MBTPS2: variants seen among roughly 807,000 people sequenced by gnomAD.
MBTPS2 encodes the protein membrane-bound transcription factor site-2 protease.
A neutral mutation model predicts 35.4 loss-of-function variants in MBTPS2; 2 were observed. The observed-to-expected ratio is 0.06, with a 90% confidence interval of 0.02 to 0.18. MBTPS2 has a LOEUF of 0.18. Among genes scored for constraint, MBTPS2 ranks in the 10% least tolerant of loss-of-function variants. The pLI, the probability that MBTPS2 is intolerant of heterozygous loss-of-function variation, is 1.00. For missense variants in MBTPS2, 244 were observed against 386.5 expected (o/e 0.63, Z 3.09); for synonymous variants, 125 against 140.4 (o/e 0.89, Z 0.77).
intron 1 of MBTPS2, chrX:21,842,019 T>G (rs1427590510): frequency 8.9e-6 from 1 of 112,225 alleles, no homozygotes; most frequent in Non-Finnish European, 1.9e-5. Flanking sequence ...CAGATAATAC[T>G]ACAGATCCAA....
Position 21,884,274 on chromosome X carries a change from G to T in MBTPS2, c.*1619G>T, listed in dbSNP as rs41309593. 5.3e-5 allele frequency: 39 copies of T among 742,531 alleles called. No homozygotes were observed. Among genetic ancestry groups the T allele is most frequent in the Non-Finnish European group, 6.2e-5 (39 of 629,702 alleles). The allele number at this position is 742,531 out of a possible 1,213,427, so 61.2% of individuals were successfully genotyped here. A position where few individuals can be genotyped will look rare whatever the true frequency, so the allele number is the denominator to read the frequency against. ...ACAGTATTTGTTCTATTTTTAGGTA[G>T]ACAATCATTTGGGATCAGAGTACAT... is the stretch of plus-strand genomic sequence containing the variant. On this transcript the variant is annotated 3_prime_UTR_variant, in exon 11 of 11. Transcript: ENST00000379484.
chrX:21,864,701 T>C (rs752701411), intron 5 of MBTPS2, among the ~76,000 whole-genome samples: 46 of 109,847 alleles, frequency 4.2e-4, no homozygotes, highest in Admixed American at 1.4e-3. Flanking sequence ...TGCATGCCTG[T>C]GGTCCCAGCT....
intron 7 of MBTPS2, among the ~76,000 whole-genome samples, chrX:21,876,208 T>G (rs954542585): frequency 1.8e-5 from 2 of 111,496 alleles, no homozygotes; most frequent in African/African-American, 3.3e-5. Context: ...ATGCTCACAG[T>G]CTCCTTTAAT....
At position 21,885,098 on chromosome X, in the gene MBTPS2, A is replaced by G. The variant is rs1158825042; in HGVS notation, c.*2443A>G. 2.7e-6 allele frequency: 2 copies of G among 748,224 alleles called. No individual in the cohort carries two copies. Among genetic ancestry groups the G allele is most frequent in the African/African-American group, 2.3e-5 (1 of 43,194 alleles). The allele number at this position is 748,224 out of a possible 1,213,427, so 61.7% of individuals were successfully genotyped here. A position where few individuals can be genotyped will look rare whatever the true frequency, so the allele number is the denominator to read the frequency against. ...TTTTTTTTAATCACCTACAATCTGT[A>G]AAGAATGTATATATTCTTTTCAGCA... On this transcript the variant is annotated 3_prime_UTR_variant, in exon 11 of 11. Transcript: ENST00000379484.
intron 4 of MBTPS2, 76 bp downstream of exon 4, chrX:21,851,688 C>T: frequency 1.5e-6 from 1 of 683,791 alleles, no homozygotes; most frequent in Non-Finnish European, 2.4e-6. Context: ...TTACTAAAAT[C>T]TGCTATATTT....
intron 3 of MBTPS2, among the ~76,000 whole-genome samples, chrX:21,850,271 G>A (rs1423688446): frequency 9.0e-6 from 1 of 111,053 alleles, no homozygotes; most frequent in African/African-American, 3.3e-5. Flanking sequence ...ATGGGAAGAC[G>A]TCTGTGATAC....
chrX:21,845,582 T>C (rs1023183663), intron 3 of MBTPS2, among the ~76,000 whole-genome samples, 198 bp downstream of exon 3: 1 of 112,296 alleles, frequency 8.9e-6, no homozygotes, highest in Admixed American at 9.5e-5. Flanking sequence ...GTAGTTGTAA[T>C]ATTAATGGTA....
chrX:21,842,487 G>A (rs2092903746), intron 1 of MBTPS2, among the ~76,000 whole-genome samples: 1 of 108,964 alleles, frequency 9.2e-6, no homozygotes, highest in African/African-American at 3.3e-5. Context: ...TGTCCAATAT[G>A]GCAGCTATTA....
intron 3 of MBTPS2, among the ~76,000 whole-genome samples, chrX:21,848,561 T>A (rs921839685): frequency 3.8e-4 from 42 of 109,725 alleles, no homozygotes; most frequent in Non-Finnish European, 4.0e-4. Flanking sequence ...ACGCATGTAG[T>A]CCCAGCTACT....
chrX:21,869,611 C>T lies in MBTPS2; in HGVS notation c.903C>T (p.Ala301=), dbSNP rs1347979564. The T allele has an allele frequency of 6.6e-6, 8 of 1,208,204 alleles. No individual in the cohort carries two copies. Among genetic ancestry groups the T allele is most frequent in the Non-Finnish European group, 7.8e-6 (7 of 893,704 alleles). Residue 301 remains alanine, a synonymous_variant, in exon 7 of 11, where the codon GCC becomes GCT. Coordinates refer to ENST00000379484, the MANE Select transcript of MBTPS2 (RefSeq NM_015884.4). The part of the protein sequence containing the change: ...QDWNECLDTI[A]YEPQIGYCIS... ...GGAATGAATGTTTAGATACCATCGC[C>T]TATGAGCCCCAAATTGGTTACTGTA...
chrX:21,870,552 C>A (rs1211527516), intron 7 of MBTPS2: 1 of 111,905 alleles, frequency 8.9e-6, no homozygotes, highest in African/African-American at 3.2e-5. Context: ...AAACAAAAAA[C>A]CCCATCTGGG....
At chrX:21,867,226 A>C in intron 5 of MBTPS2, among the ~76,000 whole-genome samples, 1 of 111,943 alleles carries the variant, frequency 8.9e-6, no homozygotes, top group Non-Finnish European at 1.9e-5. Context: ...GAAATTCCAG[A>C]AGCAAGCCAA....
At chrX:21,860,523 A>G (rs1307367210) in intron 5 of MBTPS2, among the ~76,000 whole-genome samples, 1 of 112,607 alleles carries the variant, frequency 8.9e-6, no homozygotes, top group Non-Finnish European at 1.9e-5. Flanking sequence ...TAATCCAATC[A>G]TTAATGGGCA....
intron 3 of MBTPS2, among the ~76,000 whole-genome samples, chrX:21,848,906 C>T (rs1451857581): frequency 9.0e-6 from 1 of 111,570 alleles, no homozygotes; most frequent in East Asian, 2.8e-4. Context: ...CCATAAAAGG[C>T]CTTGAAAGAA....
intron 3 of MBTPS2, among the ~76,000 whole-genome samples, chrX:21,850,837 C>T (rs761275570): frequency 2.7e-5 from 3 of 111,241 alleles, no homozygotes; most frequent in Non-Finnish European, 5.6e-5. Flanking sequence ...GCCTTAATTT[C>T]GACATTAAAT....
chrX:21,841,307 G>A (rs889380141), intron 1 of MBTPS2, among the ~76,000 whole-genome samples: 13 of 111,575 alleles, frequency 1.2e-4, no homozygotes, highest in African/African-American at 4.2e-4. Context: ...TGTAGTCCCA[G>A]CTACTCTGGA....
At chrX:21,876,734 C>T (rs1307746173) in intron 7 of MBTPS2, among the ~76,000 whole-genome samples, 1 of 111,392 alleles carries the variant, frequency 9.0e-6, no homozygotes, top group Admixed American at 9.6e-5. Context: ...ATGTCTTCCT[C>T]AAACAATAGA....
intron 5 of MBTPS2, among the ~76,000 whole-genome samples, chrX:21,862,534 G>A (rs1475113489): frequency 9.1e-6 from 1 of 109,909 alleles, no homozygotes; most frequent in African/African-American, 3.3e-5. Context: ...GGCCTGGTGC[G>A]GTGGCTCACG....
chrX:21,856,267 C>T (rs776917189), intron 5 of MBTPS2: 4 of 416,351 alleles, frequency 9.6e-6, no homozygotes, highest in South Asian at 4.6e-5. Context: ...CCGGCTCGTG[C>T]TTTCCTCAGT....
Sources: allele counts gnomAD v4.1 joint callset (sites outside exome capture counted in the v4.1 genomes callset), GRCh38; gene constraint gnomAD v4.1.1; transcripts MANE v1.5; gene names NCBI Gene and HGNC (gene_info 2026-07-23, HGNC 2026-07-21).